Variants in RAD51B observed in about 807,000 individuals in gnomAD.
RAD51B encodes RAD51 paralog B.
A neutral mutation model predicts 42.2 loss-of-function variants in RAD51B; 38 were observed. The ratio of observed to expected loss-of-function variants is 0.90; its 90% CI spans 0.70 to 1.18. The LOEUF is 1.18. Ranked by LOEUF, RAD51B falls within the 50% of genes most tolerant of loss-of-function variation. The pLI, the probability that RAD51B is intolerant of heterozygous loss-of-function variation, is 0.00. For missense variants in RAD51B, 373 were observed against 400.7 expected (o/e 0.93, Z 0.59); for synonymous variants, 154 against 145.2 (o/e 1.06, Z -0.43).
intron 10 of RAD51B, among the ~76,000 whole-genome samples, chr14:68,573,362 C>T (rs1338655814): frequency 6.6e-6 from 1 of 152,188 alleles, no homozygotes; most frequent in Non-Finnish European, 1.5e-5. Flanking sequence ...CCAAGCACAT[C>T]CCTGCCTCGG....
chr14:68,611,963 T>A (rs1891696771), downstream of RAD51B, among the ~76,000 whole-genome samples: 1 of 152,162 alleles, frequency 6.6e-6, no homozygotes, highest in South Asian at 2.1e-4. Flanking sequence ...AAGGCTCATA[T>A]CCTTGCTGTG....
At chr14:68,531,694 C>T (rs952278959) in intron 10 of RAD51B, among the ~76,000 whole-genome samples, 2 of 151,882 alleles carry the variant, frequency 1.3e-5, no homozygotes, top group African/African-American at 4.8e-5. Flanking sequence ...ACTGATATAT[C>T]CTTTACTCAA....
At chr14:68,155,432 T>G (rs1227363963) in intron 7 of RAD51B, among the ~76,000 whole-genome samples, 1 of 152,130 alleles carries the variant, frequency 6.6e-6, no homozygotes, top group Non-Finnish European at 1.5e-5. Flanking sequence ...GATCTCATGA[T>G]CCACCCGCCT....
chr14:67,865,225 C>T (rs1169743491), intron 5 of RAD51B, 86 bp downstream of exon 5: 6 of 1,229,368 alleles, frequency 4.9e-6, no homozygotes, highest in Admixed American at 3.0e-5. Context: ...TAACATTTAC[C>T]ACCCCTCCCC....
At chr14:68,680,545 A>G (rs943739975) in intron 11 of RAD51B, among the ~76,000 whole-genome samples, 1 of 152,232 alleles carries the variant, frequency 6.6e-6, no homozygotes, top group Non-Finnish European at 1.5e-5. Flanking sequence ...TTTACCAATC[A>G]GCTTTCACAA....
intron 8 of RAD51B, among the ~76,000 whole-genome samples, chr14:68,390,794 T>C (rs1439052546): frequency 6.6e-6 from 1 of 152,246 alleles, no homozygotes; most frequent in Non-Finnish European, 1.5e-5. Flanking sequence ...AGAAGCTTAC[T>C]TTAGTGTTTC....
intron 11 of RAD51B, among the ~76,000 whole-genome samples, chr14:68,660,968 C>T (rs1317497199): frequency 6.6e-6 from 1 of 152,104 alleles, no homozygotes; most frequent in African/African-American, 2.4e-5. Flanking sequence ...GTCACCAAAT[C>T]GCGTATAGTG....
At chr14:67,825,675 T>G in intron 3 of RAD51B, 98 bp downstream of exon 3, 1 of 814,902 alleles carries the variant, frequency 1.2e-6, no homozygotes, top group Non-Finnish European at 1.8e-6. Context: ...TAGAGATGAG[T>G]ACCTCAAAAA....
intron 8 of RAD51B, among the ~76,000 whole-genome samples, chr14:68,380,409 A>C (rs779382263): frequency 2.0e-5 from 3 of 152,216 alleles, no homozygotes; most frequent in Non-Finnish European, 4.4e-5. Flanking sequence ...AAAAGCCAAC[A>C]GTTGTGGTTA....
intron 7 of RAD51B, among the ~76,000 whole-genome samples, chr14:67,995,655 C>A (rs888009916): frequency 1.3e-5 from 2 of 151,286 alleles, no homozygotes; most frequent in African/African-American, 4.9e-5. Flanking sequence ...TCTCTGTCAC[C>A]CAGGCTGGAT....
Position 67,826,742 on chromosome 14 carries a change from G to C in RAD51B, c.198+1165G>C, listed in dbSNP as rs35296082. ...CTATTTCTCTGGCTGGAGTACGGTG[G>C]TGTGATCTCGGCTCAGTGCAGCCTC... On this transcript the variant is annotated intron_variant, in intron 3 of 10. Transcript: ENST00000471583. Among the ~76,000 whole-genome samples the C allele has an allele frequency of 7.1e-3, 1,082 of 151,866 alleles. 17 individuals carry two copies. Among genetic ancestry groups the C allele is most frequent in the African/African-American group, 0.025 (1,038 of 41,380 alleles).
intron 7 of RAD51B, among the ~76,000 whole-genome samples, chr14:68,059,521 C>T (rs934345691): frequency 3.9e-5 from 6 of 152,142 alleles, no homozygotes; most frequent in African/African-American, 1.2e-4. Context: ...CATTTTCCTG[C>T]GTAATCCCTT....
At chr14:68,056,609 C>T (rs1398748272) in intron 7 of RAD51B, among the ~76,000 whole-genome samples, 1 of 151,622 alleles carries the variant, frequency 6.6e-6, no homozygotes, top group African/African-American at 2.4e-5. Flanking sequence ...ATTAGCCAGG[C>T]GTGGTGATGT....
chr14:68,192,232 G>A (rs2079282130), intron 7 of RAD51B, among the ~76,000 whole-genome samples: 1 of 152,162 alleles, frequency 6.6e-6, no homozygotes, highest in South Asian at 2.1e-4. Context: ...TTAATCATAA[G>A]TTGCAGCTGT....
chr14:68,639,709 C>T (rs1281916960), intron 10 of RAD51B, among the ~76,000 whole-genome samples: 1 of 152,154 alleles, frequency 6.6e-6, no homozygotes, highest in African/African-American at 2.4e-5. Context: ...TGAGACAGAA[C>T]CTTCGGTTTG....
intron 8 of RAD51B, among the ~76,000 whole-genome samples, chr14:68,316,076 T>C (rs1215485170): frequency 3.3e-5 from 5 of 152,222 alleles, no homozygotes; most frequent in Non-Finnish European, 5.9e-5. Flanking sequence ...GTTTAGGTAT[T>C]GATGCTATAT....
intron 10 of RAD51B, among the ~76,000 whole-genome samples, chr14:68,623,572 G>C (rs1892002728): frequency 6.6e-6 from 1 of 152,346 alleles, no homozygotes; most frequent in Non-Finnish European, 1.5e-5. Context: ...TCCACAAAGA[G>C]GAAGGGGTGC....
At chr14:67,958,297 A>G (rs1005356651) in intron 7 of RAD51B, among the ~76,000 whole-genome samples, 12 of 152,218 alleles carry the variant, frequency 7.9e-5, no homozygotes, top group African/African-American at 2.7e-4. Flanking sequence ...CTTCAGATTG[A>G]TTGAATCTTC....
chr14:68,438,191 A>G (rs538444684), intron 9 of RAD51B, among the ~76,000 whole-genome samples: 7 of 152,300 alleles, frequency 4.6e-5, no homozygotes, highest in African/African-American at 1.7e-4. Flanking sequence ...AGAGTTTTCC[A>G]TACAGATTTG....
Sources: allele counts gnomAD v4.1 joint callset (sites outside exome capture counted in the v4.1 genomes callset), GRCh38; gene constraint gnomAD v4.1.1; transcripts MANE v1.5; gene names NCBI Gene and HGNC (gene_info 2026-07-23, HGNC 2026-07-21).